Variants in OR2I1 observed in about 807,000 individuals in gnomAD.
The protein encoded by OR2I1 is putative olfactory receptor 2I1.
chr6:29,555,886 T>A, the OR2I1 span: 1 of 1,612,818 alleles, frequency 6.2e-7, no homozygotes, highest in East Asian at 2.2e-5. Flanking sequence ...GTGGTCACCC[T>A]CCAATACAAT....
At chr6:29,557,278 T>C in the OR2I1 span, 1 of 152,204 alleles carries the variant, frequency 6.6e-6, no homozygotes, top group Non-Finnish European at 1.5e-5. Flanking sequence ...CAGCTCACCC[T>C]GTGTTGGGGA....
the OR2I1 span, chr6:29,552,996 C>A: frequency 8.1e-6 from 3 of 369,452 alleles, no homozygotes; most frequent in Non-Finnish European, 1.4e-5. Context: ...ATTCTGCCTA[C>A]CGAGTGTTGG....
chr6:29,557,555 T>C, the OR2I1 span: 2 of 152,242 alleles, frequency 1.3e-5, no homozygotes, highest in African/African-American at 2.4e-5. Flanking sequence ...TCAATATGCA[T>C]GCATTAGGAC....
At chr6:29,550,731 A>G in the OR2I1 span, 1 of 152,230 alleles carries the variant, frequency 6.6e-6, no homozygotes, top group South Asian at 2.1e-4. Context: ...CAGCTATGCA[A>G]TTGCATCTTT....
chr6:29,555,944 A>G, the OR2I1 span: 1 of 1,612,974 alleles, frequency 6.2e-7, no homozygotes, highest in Non-Finnish European at 8.5e-7. Flanking sequence ...GTAATCTGCC[A>G]TCATCTTCCC....
the OR2I1 span, chr6:29,553,787 G>A: frequency 2.5e-6 from 1 of 398,592 alleles, no homozygotes; most frequent in Non-Finnish European, 4.4e-6. Context: ...GCCTGCGGAG[G>A]CGACGGAGAC....
At chr6:29,550,584 C>A in the OR2I1 span, 1 of 152,208 alleles carries the variant, frequency 6.6e-6, no homozygotes, top group Non-Finnish European at 1.5e-5. Flanking sequence ...CTGCCTAGAT[C>A]CTGAAATTTC....
chr6:29,556,655 C>T, the OR2I1 span: 1 of 368,640 alleles, frequency 2.7e-6, no homozygotes, highest in African/African-American at 2.1e-5. Context: ...CCTAGAGAAA[C>T]TTTAAAAACT....
the OR2I1 span, chr6:29,557,310 G>A: frequency 6.6e-6 from 1 of 152,188 alleles, no homozygotes; most frequent in South Asian, 2.1e-4. Context: ...CTGACCCCGT[G>A]TTCCACAAGC....
At chr6:29,552,864 G>A in the OR2I1 span, 4 of 182,102 alleles carry the variant, frequency 2.2e-5, no homozygotes, top group Non-Finnish European at 4.5e-5. Context: ...ATCAAGCAAG[G>A]TTAAGGTCAC....
the OR2I1 span, chr6:29,555,968 T>C: frequency 2.5e-6 from 4 of 1,613,146 alleles, no homozygotes; most frequent in Non-Finnish European, 1.7e-6. Context: ...TTCCAGTCTC[T>C]TTCCATTGCA....
the OR2I1 span, chr6:29,553,811 A>G: frequency 4.0e-5 from 16 of 398,534 alleles, no homozygotes; most frequent in Non-Finnish European, 7.1e-5. Context: ...ACCGAGAACC[A>G]GATGTTCGCC....
the OR2I1 span, chr6:29,556,171 G>A: frequency 1.1e-4 from 179 of 1,612,922 alleles, no homozygotes; most frequent in Non-Finnish European, 1.4e-4. Flanking sequence ...TCTTCTCTTT[G>A]TCAATGCCAT....
chr6:29,553,248 C>CTTTCTCCTGCTGGG, the OR2I1 span: 8 of 398,792 alleles, frequency 2.0e-5, no homozygotes, highest in Non-Finnish European at 4.4e-6. Context: ...CAGAGGAGCG[C>CTTTCTCCTGCTGGG]TTTCTCCTGC....
the OR2I1 span, chr6:29,557,101 A>G: frequency 6.6e-6 from 1 of 152,246 alleles, no homozygotes; most frequent in Non-Finnish European, 1.5e-5. Flanking sequence ...TCTTTGTGGC[A>G]ATAAGATAGC....
chr6:29,552,625 G>A, the OR2I1 span, among the ~76,000 whole-genome samples: 1 of 137,762 alleles, frequency 7.3e-6, no homozygotes, highest in African/African-American at 2.8e-5. Flanking sequence ...AACATGAGGA[G>A]GAGGCTTTTT....
the OR2I1 span, chr6:29,554,545 G>T: frequency 6.3e-6 from 1 of 159,036 alleles, no homozygotes; most frequent in Non-Finnish European, 1.4e-5. Flanking sequence ...GCAGGAGAGG[G>T]TACATCCAGA....
the OR2I1 span, chr6:29,554,330 A>T: frequency 5.1e-6 from 2 of 389,872 alleles, no homozygotes; most frequent in Non-Finnish European, 9.0e-6. Flanking sequence ...GGAAATGTTT[A>T]GTTCTTGAGG....
chr6:29,555,768 A>T, the OR2I1 span: 2 of 772,036 alleles, frequency 2.6e-6, no homozygotes, highest in South Asian at 1.8e-5. Context: ...ATCTTACTCT[A>T]CTCATCTCAT....
Sources: gnomAD v4.1 joint callset for allele counts (sites outside exome capture counted in the v4.1 genomes callset) on GRCh38, gnomAD v4.1.1 for gene constraint, MANE v1.5 for transcripts, NCBI Gene and HGNC (gene_info 2026-07-23, HGNC 2026-07-21) for gene names.